The following NPEPPS variants were observed in gnomAD, a reference collection of about 807,000 sequenced individuals.
The protein encoded by NPEPPS is puromycin-sensitive aminopeptidase.
A neutral mutation model predicts 115.5 loss-of-function variants in NPEPPS; 14 were observed. The ratio of observed to expected loss-of-function variants is 0.12; its 90% confidence interval spans 0.08 to 0.19. The LOEUF is 0.19. NPEPPS is among the 10% of genes least tolerant of loss of function. The pLI, the probability that NPEPPS is intolerant of heterozygous loss-of-function variation, is 1.00. For synonymous variants in NPEPPS, 285 were observed against 390.6 expected (o/e 0.73, Z 3.19); for missense variants, 523 against 1,110.8 (o/e 0.47, Z 7.52).
chr17:47,565,338 A>G (rs1200863588), intron 2 of NPEPPS, among the ~76,000 whole-genome samples: 5 of 151,826 alleles, frequency 3.3e-5, no homozygotes, highest in Non-Finnish European at 5.9e-5. Context: ...CTGAAACTCT[A>G]TCTCTACTAA....
chr17:47,537,893 T>C (rs1860944893), intron 1 of NPEPPS, among the ~76,000 whole-genome samples: 2 of 151,822 alleles, frequency 1.3e-5, no homozygotes, highest in South Asian at 4.2e-4. Flanking sequence ...GTTTTTTTTT[T>C]TCTTTTTTTT....
In NPEPPS at chr17:47,585,557, G is replaced by T. The variant is rs370952703; in HGVS notation, c.706G>T (p.Ala236Ser). Residue 236 changes from alanine to serine, a missense_variant, in exon 6 of 23, where the codon GCC (alanine) becomes TCC (serine). By Grantham distance (99) the Ala-to-Ser change is moderately conservative (BLOSUM62 1). Around this residue, in one of 4 missense-constraint regions of NPEPPS, gnomAD observed 144 missense variants for 512.4 expected, o/e 0.28. Transcript: ENST00000322157. ...TGAAAATTTAGTGGAAGTGAAGTTT[G>T]CCCGCACACCTGTTATGTCTACATA... is the stretch of plus-strand genomic sequence containing the variant. The part of the protein sequence containing the change: ...DDENLVEVKF[A>S]RTPVMSTYLV... The T allele has an allele frequency of 2.0e-5, 32 of 1,613,686 alleles. No individual in the cohort carries two copies. The highest frequency in any genetic ancestry group is 1.6e-4 in the Middle Eastern group (1 of 6,084).
intron 2 of NPEPPS, among the ~76,000 whole-genome samples, chr17:47,547,517 C>T (rs771248766): frequency 2.6e-5 from 4 of 152,014 alleles, no homozygotes; most frequent in South Asian, 4.2e-4. Context: ...GGCTAATATT[C>T]GTATTTGTAT....
rs1254050073 is a variant in NPEPPS, at chr17:47,605,287, G to T, written c.1876-46G>T. The T allele has an allele frequency of 2.9e-6, 4 of 1,399,598 alleles. No individual in the cohort carries two copies. In the Admixed American group the frequency reaches 7.2e-5, roughly 25 times the overall value. The allele number at this position is 1,399,598 out of a possible 1,614,324, so 86.7% of individuals were successfully genotyped here. A position where few individuals can be genotyped will look rare whatever the true frequency, so the allele number is the denominator to read the frequency against. On this transcript the variant is annotated intron_variant, in intron 16 of 22. Transcript: ENST00000322157. ...CCAAAAATGCATGCTTATGTTTTTTGGTTTTGTTTGAAGACTAGGTTAATT... is the reference window on the plus strand; with the variant it reads ...CCAAAAATGCATGCTTATGTTTTTTTGTTTTGTTTGAAGACTAGGTTAATT...
chr17:47,618,231 C>G, intron 19 of NPEPPS, 119 bp from the exon 20 acceptor site: 1 of 643,256 alleles, frequency 1.6e-6, no homozygotes, highest in Non-Finnish European at 2.7e-6. Flanking sequence ...CCCTGCCATT[C>G]TTACCTAGTG....
chr17:47,617,438 A>G (rs1914279618), intron 19 of NPEPPS, among the ~76,000 whole-genome samples: 1 of 151,808 alleles, frequency 6.6e-6, no homozygotes, highest in Non-Finnish European at 1.5e-5. Context: ...GCTCACTGCA[A>G]CCTCCACCTC....
At chr17:47,531,060 A>ACGGGGGCGCGCCCGGCCGG (rs1317829426), upstream of NPEPPS, 3 of 464,688 alleles carry the variant, frequency 6.5e-6, no homozygotes, top group South Asian at 3.2e-5. Flanking sequence ...CGCGCACTCC[A>ACGGGGGCGCGCCCGGCCGG]CGGGGGCGCG....
Position 47,610,845 on chromosome 17 carries a change from C to CTTTTTTTT in NPEPPS, c.2096-1596_2096-1589dup, listed in dbSNP as rs59893483. On this transcript the variant is annotated intron_variant, in intron 17 of 22. Coordinates refer to ENST00000322157, the MANE Select transcript of NPEPPS (RefSeq NM_006310.4). ...GAAATTGCTGAGTCATATGATGACT[C>CTTTTTTTT]TTTTTTTTTTTTTTTTTTTTTTTTT... 4.0e-5 allele frequency among the ~76,000 whole-genome samples: 4 copies of CTTTTTTTT among 100,114 alleles called. 1 individual carries two copies. The highest frequency in any genetic ancestry group is 1.7e-4 in the African/African-American group (4 of 24,026). 65.7% of individuals were successfully genotyped at this position (100,114 alleles called of 152,430 possible).
chr17:47,534,916 G>A (rs1054373077), intron 1 of NPEPPS, among the ~76,000 whole-genome samples: 13 of 151,874 alleles, frequency 8.6e-5, no homozygotes. Context: ...TGCTGCAGAA[G>A]GTGAAGAAAT....
At chr17:47,533,367 A>G (rs868857706) in intron 1 of NPEPPS, among the ~76,000 whole-genome samples, 2 of 151,928 alleles carry the variant, frequency 1.3e-5, no homozygotes, top group African/African-American at 2.4e-5. Context: ...GCTTAAGCCA[A>G]GTGACTAGAG....
At chr17:47,562,634 A>C (rs111653632) in intron 2 of NPEPPS, among the ~76,000 whole-genome samples, 50 of 140,918 alleles carry the variant, frequency 3.5e-4, no homozygotes, top group African/African-American at 1.2e-3. Context: ...GTGTGTGTGT[A>C]TATGTGTGTG....
rs1405898374 is a variant in NPEPPS at position 47,589,196 on chromosome 17, C to T, written c.1096-1521C>T. On this transcript the variant is annotated intron_variant, in intron 9 of 22. Transcript: ENST00000322157. Reference sequence around the variant, plus strand: ...TCCTGGGCTCAAGCAATCCTCCCACCTCAGCCTCCCAAAGTGCTGGGATTA... The same window carrying T: ...TCCTGGGCTCAAGCAATCCTCCCACTTCAGCCTCCCAAAGTGCTGGGATTA... Among the ~76,000 whole-genome samples the T allele has an allele frequency of 4.7e-4, 71 of 152,046 alleles. 1 individual carries two copies. Among genetic ancestry groups the T allele is most frequent in the African/African-American group, 1.6e-3 (66 of 41,392 alleles).
rs557571128 is a variant in NPEPPS, at chr17:47,558,426, C to A, written c.341-10991C>A. On this transcript the variant is annotated intron_variant, in intron 2 of 22. Transcript: ENST00000322157. ...TACAGGCCTGAGCCACCACACCTGG[C>A]CCATCCCCCACTTTTTTTTTTGAGA... is the stretch of plus-strand genomic sequence containing the variant. 8.7e-5 allele frequency among the ~76,000 whole-genome samples: 13 copies of A among 149,042 alleles called. No homozygotes were observed. The East Asian group carries it at 2.2e-3, about 26-fold the overall frequency.
intron 3 of NPEPPS, among the ~76,000 whole-genome samples, chr17:47,577,402 A>G (rs1230109649): frequency 6.6e-6 from 1 of 152,092 alleles, no homozygotes; most frequent in Non-Finnish European, 1.5e-5. Context: ...TGCAAACTTT[A>G]TTAATGTGAA....
Position 47,613,666 on chromosome 17 carries a change from T to A in NPEPPS, c.2239-3T>A. The stretch of plus-strand genomic sequence containing the variant: ...CAAATGACTTATTTTTTGTCCCTTG[T>A]AGGTCTATCTGACTGTTTTGAAGCA... On this transcript the variant is annotated splice_polypyrimidine_tract_variant and splice_region_variant and intron_variant, in intron 18 of 22. Transcript: ENST00000322157. 6.2e-7 allele frequency: 1 copy of A among 1,608,112 alleles called. No homozygotes were observed. The highest frequency in any genetic ancestry group is 8.5e-7 in the Non-Finnish European group (1 of 1,175,968).
chr17:47,524,566 C>T (rs903666509), intron 1 of NPEPPS, among the ~76,000 whole-genome samples: 1 of 151,712 alleles, frequency 6.6e-6, no homozygotes, highest in African/African-American at 2.4e-5. Flanking sequence ...GCGATCTTGG[C>T]TCACTGCAAG....
At chr17:47,590,082 G>T (rs1478510339) in intron 9 of NPEPPS, among the ~76,000 whole-genome samples, 2 of 152,048 alleles carry the variant, frequency 1.3e-5, no homozygotes, top group Admixed American at 6.6e-5. Context: ...TGTAATCCCA[G>T]CACTTTGGCA....
chr17:47,559,728 G>T (rs918806732), intron 2 of NPEPPS: 1 of 448,890 alleles, frequency 2.2e-6, no homozygotes, highest in African/African-American at 2.0e-5. Flanking sequence ...AAAGGAGGGG[G>T]TCATTTACTC....
rs896847079 is a variant in NPEPPS, at chr17:47,622,917, G to A, written c.*997G>A. ...CCGGTTCATTTTATGCGTGCGAGAA[G>A]TCAGTGGTAACTGCTGCAGGGCTTA... On this transcript the variant is annotated 3_prime_UTR_variant, in exon 23 of 23. Transcript: ENST00000322157. 8.8e-6 allele frequency: 4 copies of A among 455,902 alleles called. No homozygotes were observed. Among genetic ancestry groups the A allele is most frequent in the African/African-American group, 8.0e-5 (4 of 50,060 alleles). The allele number at this position is 455,902 out of a possible 1,614,324, so 28.2% of individuals were successfully genotyped here.
Sources: allele counts gnomAD v4.1 joint callset (sites outside exome capture counted in the v4.1 genomes callset), GRCh38; gene constraint gnomAD v4.1.1; regional missense constraint gnomAD v4.1.1; transcripts MANE v1.5; gene names NCBI Gene and HGNC (gene_info 2026-07-23, HGNC 2026-07-21).